The following LIMCH1 variants were observed in gnomAD, a reference collection of about 807,000 sequenced individuals.
LIMCH1 encodes LIM and calponin homology domains-containing protein 1.
LIMCH1 carries 113 observed loss-of-function variants against 176.5 expected under a neutral mutation model. That is an observed-to-expected ratio of 0.64 (90% confidence interval 0.55 to 0.75). LIMCH1 has a LOEUF of 0.75. LIMCH1 is among the 30% of genes least tolerant of loss of function. The pLI is 0.00. For missense variants in LIMCH1, 1,674 were observed against 1,814.9 expected, an observed-to-expected ratio of 0.92 and a Z score of 1.41; for synonymous variants, 619 against 645.9, an observed-to-expected ratio of 0.96 and a Z score of 0.63.
At chr4:41,505,351 C>T (rs1423946970) in intron 2 of LIMCH1, among the ~76,000 whole-genome samples, 1 of 152,166 alleles carries the variant, frequency 6.6e-6, no homozygotes, top group African/African-American at 2.4e-5. Context: ...GTGGCTCGCT[C>T]CCTTGGGCTG....
At chr4:41,657,543 T>G (rs1188928535) in intron 18 of LIMCH1, among the ~76,000 whole-genome samples, 22 of 152,232 alleles carry the variant, frequency 1.4e-4, no homozygotes, top group Admixed American at 1.4e-3. Flanking sequence ...ACTCTGAAAT[T>G]AATGCTAACA....
chr4:41,532,506 C>G (rs928096193), intron 3 of LIMCH1, among the ~76,000 whole-genome samples: 3 of 152,114 alleles, frequency 2.0e-5, no homozygotes, highest in African/African-American at 7.2e-5. Context: ...ACTCGGAAAC[C>G]AGGGCAACAG....
intron 1 of LIMCH1, among the ~76,000 whole-genome samples, chr4:41,567,231 T>A (rs1261056700): frequency 6.6e-6 from 1 of 152,178 alleles, no homozygotes; most frequent in African/African-American, 2.4e-5. Context: ...TTACTCTACC[T>A]CTCTGTGCCT....
intron 26 of LIMCH1, among the ~76,000 whole-genome samples, chr4:41,683,818 A>G (rs1718301008): frequency 6.6e-6 from 1 of 152,242 alleles, no homozygotes; most frequent in African/African-American, 2.4e-5. Context: ...AGTCAGGAAG[A>G]TCTGAATGAT....
intron 1 of LIMCH1, among the ~76,000 whole-genome samples, chr4:41,473,425 A>C (rs1286654407): frequency 6.6e-6 from 1 of 152,228 alleles, no homozygotes; most frequent in Non-Finnish European, 1.5e-5. Context: ...TTTTACAAAC[A>C]ACAGATCCCT....
chr4:41,379,677 A>C (rs1036884427), intron 1 of LIMCH1, among the ~76,000 whole-genome samples: 11 of 152,258 alleles, frequency 7.2e-5, no homozygotes, highest in African/African-American at 2.4e-4. Flanking sequence ...GGGATTCAAT[A>C]TTAGATATTC....
chr4:41,635,436 C>G (rs1585134000), intron 13 of LIMCH1, among the ~76,000 whole-genome samples: 2 of 152,232 alleles, frequency 1.3e-5, no homozygotes, highest in South Asian at 4.1e-4. Context: ...CTGTGTTGGC[C>G]AGGCTGGTCT....
intron 2 of LIMCH1, among the ~76,000 whole-genome samples, chr4:41,519,744 T>C (rs1034132102): frequency 4.6e-5 from 7 of 152,350 alleles, no homozygotes; most frequent in African/African-American, 1.7e-4. Context: ...TGAATGAATT[T>C]GCAAGTTTCC....
At chr4:41,660,039 T>G (rs1326696126) in intron 18 of LIMCH1, among the ~76,000 whole-genome samples, 2 of 152,110 alleles carry the variant, frequency 1.3e-5, no homozygotes, top group Non-Finnish European at 2.9e-5. Flanking sequence ...ACATTAAAAA[T>G]AATCACAATT....
At chr4:41,631,886 T>C (rs992874319) in intron 10 of LIMCH1, among the ~76,000 whole-genome samples, 1 of 152,234 alleles carries the variant, frequency 6.6e-6, no homozygotes, top group African/African-American at 2.4e-5. Context: ...ATTAGTATCA[T>C]GAGTTCACGT....
At position 41,661,434 on chromosome 4, in the gene LIMCH1, A is replaced by T. The variant is rs1383426331; in HGVS notation, c.3051A>T (p.Lys1017Asn). 1 of 1,612,172 alleles carries T rather than the reference A, an allele frequency of 6.2e-7. No homozygotes were observed. The highest frequency in any genetic ancestry group is 1.7e-5 in the Admixed American group (1 of 59,640). Residue 1017 changes from lysine to asparagine, a missense_variant, in exon 19 of 32, where the codon AAA becomes AAT. Lys to Asn is a moderately conservative substitution (Grantham distance 94). Around this residue, in one of 3 missense-constraint regions of LIMCH1, gnomAD observed 1,015 missense variants for 1,102.5 expected, o/e 0.92. Transcript: ENST00000503057. ...CTCTTTTTCAGGCAACCACTGAGAAAACGGAACCGAATAGTCAAGAGGACA... is the reference window on the plus strand; with the variant it reads ...CTCTTTTTCAGGCAACCACTGAGAATACGGAACCGAATAGTCAAGAGGACA... ...VPQELAATTE[K>N]TEPNSQEDKN...
chr4:41,558,086 T>G (rs1453245942), intron 1 of LIMCH1, among the ~76,000 whole-genome samples: 5 of 152,082 alleles, frequency 3.3e-5, no homozygotes, highest in Admixed American at 3.3e-4. Context: ...GATGTCAGTT[T>G]GCATAAAGCT....
At chr4:41,447,270 C>A (rs555490962) in intron 1 of LIMCH1, among the ~76,000 whole-genome samples, 2 of 152,242 alleles carry the variant, frequency 1.3e-5, no homozygotes, top group East Asian at 3.9e-4. Context: ...AACCCAACAA[C>A]AAATAAATTT....
intron 1 of LIMCH1, among the ~76,000 whole-genome samples, chr4:41,371,524 G>A (rs1257303400): frequency 6.6e-6 from 1 of 152,110 alleles, no homozygotes; most frequent in African/African-American, 2.4e-5. Flanking sequence ...GATCCAGACT[G>A]GAATGATTAT....
intron 1 of LIMCH1, among the ~76,000 whole-genome samples, chr4:41,419,561 C>CCCTTCCTTCCTTCCTTCCTT (rs536061729): frequency 1.3e-4 from 15 of 116,330 alleles, no homozygotes; most frequent in Middle Eastern, 4.8e-3. Flanking sequence ...CTTTCCTTTC[C>CCCTTCCTTCCTTCCTTCCTT]CCTTCCTTCC....
At chr4:41,613,248 C>T (rs1180586051) in intron 4 of LIMCH1, 2 of 874,292 alleles carry the variant, frequency 2.3e-6, no homozygotes, top group East Asian at 2.7e-5. Flanking sequence ...TTAAAAAAAA[C>T]GTTGTGCATG....
rs548159362 is a variant in LIMCH1 at position 41,681,053 on chromosome 4, G to A, written c.3711G>A (p.Gly1237=). ...STSSSMTEGS[G]TMNKIDLGNC... is the part of the protein sequence containing the mutation. ...CTTCCTCCATGACTGAAGGCAGTGG[G>A]ACAATGGTGAGACCACAGATTAAAA... The change falls in exon 25 of 32, where the codon GGG becomes GGA. Residue 1237 remains glycine (G), a synonymous_variant. Transcript: ENST00000503057. 1 of 1,595,918 alleles carries A rather than the reference G, an allele frequency of 6.3e-7. No individual in the cohort carries two copies. The highest frequency in any genetic ancestry group is 1.1e-5 in the South Asian group (1 of 90,542).
chr4:41,507,736 T>C (rs896898116), intron 2 of LIMCH1, among the ~76,000 whole-genome samples: 7 of 152,248 alleles, frequency 4.6e-5, no homozygotes, highest in African/African-American at 1.7e-4. Flanking sequence ...AGAGGATAGG[T>C]GCCTGAAAGG....
intron 1 of LIMCH1, among the ~76,000 whole-genome samples, chr4:41,419,425 C>T (rs959173657): frequency 6.6e-6 from 1 of 152,046 alleles, no homozygotes. Flanking sequence ...CCGCCCACCT[C>T]GGCCTCCCAA....
Sources: gnomAD v4.1 joint callset for allele counts (sites outside exome capture counted in the v4.1 genomes callset) on GRCh38, gnomAD v4.1.1 for gene constraint, gnomAD v4.1.1 regional missense constraint, MANE v1.5 for transcripts, NCBI Gene and HGNC (gene_info 2026-07-23, HGNC 2026-07-21) for gene names.